OXSR1: variants seen among roughly 807,000 people sequenced by gnomAD.
OXSR1 encodes oxidative stress responsive kinase 1.
In OXSR1, 24 loss-of-function variants were observed where a neutral mutation model predicts 79.8. The observed-to-expected ratio is 0.30, with a 90% CI of 0.22 to 0.42. The LOEUF is 0.42. OXSR1 is among the 10% of genes least tolerant of loss of function. OXSR1 has a pLI of 1.00. For synonymous variants in OXSR1, 226 were observed against 209.2 expected (o/e 1.08, Z -0.69); for missense variants, 430 against 618.4 (o/e 0.70, Z 3.23).
chr3:38,175,260 A>AT (rs979673882), intron 1 of OXSR1, among the ~76,000 whole-genome samples: 1 of 152,080 alleles, frequency 6.6e-6, no homozygotes, highest in African/African-American at 2.4e-5. Context: ...CATTTAATTC[A>AT]TTTTTTCCTG....
chr3:38,200,146 G>T (rs939553072), intron 4 of OXSR1, among the ~76,000 whole-genome samples: 2 of 152,188 alleles, frequency 1.3e-5, no homozygotes, highest in East Asian at 1.9e-4. Context: ...GGCACTGCTC[G>T]TTAGGCATGG....
At chr3:38,193,128 T>C (rs558972317) in intron 3 of OXSR1, among the ~76,000 whole-genome samples, 22 of 152,212 alleles carry the variant, frequency 1.4e-4, no homozygotes, top group Admixed American at 1.0e-3. Flanking sequence ...AGGGTATTGA[T>C]GAGGAGTAAA....
intron 4 of OXSR1, among the ~76,000 whole-genome samples, chr3:38,214,171 CTTTT>C (rs749047070): frequency 7.2e-5 from 10 of 139,192 alleles, no homozygotes; most frequent in African/African-American, 2.6e-4. Flanking sequence ...TTATACACTA[CTTTT>C]TTTTTTTTTT....
intron 4 of OXSR1, among the ~76,000 whole-genome samples, chr3:38,201,917 G>A (rs1250801482): frequency 6.6e-6 from 1 of 152,204 alleles, no homozygotes; most frequent in Non-Finnish European, 1.5e-5. Context: ...TTTTGCTAAA[G>A]ATGTGCAGTT....
chr3:38,166,199 G>A (rs2125795600), intron 1 of OXSR1, among the ~76,000 whole-genome samples: 1 of 152,208 alleles, frequency 6.6e-6, no homozygotes, highest in Non-Finnish European at 1.5e-5. Flanking sequence ...TTGTGTACAG[G>A]ATTCTCAAAT....
chr3:38,229,786 T>C, intron 9 of OXSR1, 51 bp downstream of exon 9: 1 of 1,333,210 alleles, frequency 7.5e-7, no homozygotes, highest in Non-Finnish European at 1.1e-6. Flanking sequence ...GCTCCTCAAT[T>C]ACTCAGATTA....
intron 1 of OXSR1, among the ~76,000 whole-genome samples, chr3:38,169,374 C>T (rs1476109942): frequency 2.6e-5 from 4 of 151,720 alleles, no homozygotes; most frequent in Non-Finnish European, 5.9e-5. Flanking sequence ...GGTGCCATCT[C>T]GGCTCACTGC....
chr3:38,166,736 G>T (rs566723618), intron 1 of OXSR1, among the ~76,000 whole-genome samples: 104 of 147,186 alleles, frequency 7.1e-4, no homozygotes, highest in Middle Eastern at 3.6e-3. Context: ...CTTGCAGTGA[G>T]CTGAGATCGC....
chr3:38,238,417 C>T (rs900302425), intron 11 of OXSR1, among the ~76,000 whole-genome samples: 11 of 151,830 alleles, frequency 7.2e-5, no homozygotes, highest in Admixed American at 1.3e-4. Context: ...GACAAAATTC[C>T]GCCCATATTC....
At chr3:38,191,228 T>G (rs34327166) in intron 3 of OXSR1, among the ~76,000 whole-genome samples, 20,725 of 143,058 alleles carry the variant, frequency 0.14, 1,797 homozygotes, top group Middle Eastern at 0.3. Flanking sequence ...TCATTTAATT[T>G]AATATAATTT....
intron 10 of OXSR1, among the ~76,000 whole-genome samples, chr3:38,232,451 A>G (rs1271092807): frequency 6.6e-6 from 1 of 151,296 alleles, no homozygotes; most frequent in Non-Finnish European, 1.5e-5. Flanking sequence ...CTACTAAAAG[A>G]ACTGTTAAGA....
At chr3:38,176,426 T>G (rs1216371667) in intron 1 of OXSR1, among the ~76,000 whole-genome samples, 1 of 152,236 alleles carries the variant, frequency 6.6e-6, no homozygotes, top group East Asian at 1.9e-4. Flanking sequence ...GTGAAGTAAA[T>G]TTTTTTCTAA....
intron 3 of OXSR1, chr3:38,193,505 A>G (rs956150328): frequency 6.8e-6 from 6 of 881,648 alleles, no homozygotes; most frequent in Admixed American, 5.0e-5. Context: ...AACATTTTTA[A>G]TGTTTTGCAA....
At chr3:38,249,329 G>C (rs35695265) in intron 14 of OXSR1, among the ~76,000 whole-genome samples, 11 of 152,068 alleles carry the variant, frequency 7.2e-5, no homozygotes, top group Admixed American at 7.2e-4. Flanking sequence ...TCACCAGTCA[G>C]GTTTGAATTT....
At chr3:38,194,519 CAG>C (rs1347280781) in intron 3 of OXSR1, among the ~76,000 whole-genome samples, 1 of 151,984 alleles carries the variant, frequency 6.6e-6, no homozygotes, top group Admixed American at 6.6e-5. Flanking sequence ...GCCTGGGTGA[CAG>C]AGTGAGACTC....
In OXSR1 at chr3:38,205,032, AAGTGCTT is replaced by A. The variant is rs149335617; in HGVS notation, c.434+6170_434+6176del. 3.0e-4 allele frequency among the ~76,000 whole-genome samples: 46 copies of A among 152,318 alleles called. No individual in the cohort carries two copies. The East Asian group carries it at 6.0e-3, about 20-fold the overall frequency. ...AATTCCCCCTGGCTAGAGCTGGTCTAAGTGCTTCCTCCATGGGTGCTGGCTGCGTTCT... is the reference window on the plus strand; with the variant it reads ...AATTCCCCCTGGCTAGAGCTGGTCTACCTCCATGGGTGCTGGCTGCGTTCT... On this transcript the variant is annotated intron_variant, in intron 4 of 17. Transcript: ENST00000311806.
intron 3 of OXSR1, among the ~76,000 whole-genome samples, chr3:38,195,049 T>C (rs914762072): frequency 6.6e-6 from 1 of 152,242 alleles, no homozygotes; most frequent in African/African-American, 2.4e-5. Flanking sequence ...ATTCCTATCT[T>C]TGCTAGTTAA....
chr3:38,214,309 A>G (rs1302124639), intron 4 of OXSR1, among the ~76,000 whole-genome samples: 2 of 151,980 alleles, frequency 1.3e-5, no homozygotes, highest in Non-Finnish European at 2.9e-5. Flanking sequence ...TGCTTCCTGT[A>G]TACTAATAAT....
chr3:38,208,864 T>A (rs1702320907), intron 4 of OXSR1, among the ~76,000 whole-genome samples: 1 of 152,112 alleles, frequency 6.6e-6, no homozygotes, highest in Admixed American at 6.5e-5. Flanking sequence ...ATTGCGTCAC[T>A]GCACTCCAGC....
Sources: allele counts gnomAD v4.1 joint callset (sites outside exome capture counted in the v4.1 genomes callset), GRCh38; gene constraint gnomAD v4.1.1; transcripts MANE v1.5; gene names NCBI Gene and HGNC (gene_info 2026-07-23, HGNC 2026-07-21).